ZFR2: variants seen among roughly 807,000 people sequenced by gnomAD.
ZFR2 encodes zinc finger RNA-binding protein 2.
Under a neutral mutation model 105.7 loss-of-function variants are expected in ZFR2, and 104 were observed. That is an observed-to-expected ratio of 0.98 (90% CI 0.84 to 1.16). The LOEUF (loss-of-function observed/expected upper bound fraction) is 1.16. Among genes scored for constraint, ZFR2 ranks in the 50% most tolerant of loss-of-function variants. The pLI is 0.00. For missense variants in ZFR2, 1,425 were observed against 1,355.5 expected (o/e 1.05, Z -0.80); for synonymous variants, 634 against 597.7 (o/e 1.06, Z -0.89).
intron 5 of ZFR2, among the ~76,000 whole-genome samples, chr19:3,830,253 G>A (rs1272985321): frequency 2.0e-5 from 3 of 151,984 alleles, no homozygotes; most frequent in Non-Finnish European, 4.4e-5. Context: ...GGACCTGGGC[G>A]ACATAGTGAG....
At position 3,815,985 on chromosome 19, in the gene ZFR2, G is replaced by C. The variant is rs1277007900; in HGVS notation, c.2103+689C>G. ...TTAGCCAGGATGGTCTCGATCTGCTGACCTCGTGATCTGCCCATCTCAGCC... is the reference window on the plus strand; with the variant it reads ...TTAGCCAGGATGGTCTCGATCTGCTCACCTCGTGATCTGCCCATCTCAGCC... On this transcript the variant is annotated intron_variant, in intron 13 of 18. Coordinates refer to ENST00000262961, the MANE Select transcript of ZFR2 (RefSeq NM_015174.2). Among the ~76,000 whole-genome samples, 5 of 151,966 alleles carry C rather than the reference G, an allele frequency of 3.3e-5. No individual in the cohort carries two copies. In the East Asian group the frequency reaches 9.7e-4, roughly 29 times the overall value.
Position 3,863,363 on chromosome 19 carries a change from G to A in ZFR2, c.53+5602C>T, listed in dbSNP as rs376047085. The stretch of plus-strand genomic sequence containing the variant: ...TTTGAGAGATACGGGTTGGGTCACC[G>A]TTACTTTCCCAGTGACACGGGGCCA... On this transcript the variant is annotated intron_variant, in intron 1 of 18. Coordinates refer to ENST00000262961, the MANE Select transcript of ZFR2 (RefSeq NM_015174.2). Among the ~76,000 whole-genome samples, 19 of 152,286 alleles carry A rather than the reference G, an allele frequency of 1.2e-4. 2 individuals are homozygous for A. The highest frequency in any genetic ancestry group is 3.9e-4 in the East Asian group (2 of 5,186).
At chr19:3,850,007 G>T (rs1375360550) in intron 1 of ZFR2, among the ~76,000 whole-genome samples, 6 of 152,098 alleles carry the variant, frequency 3.9e-5, no homozygotes, top group Admixed American at 2.6e-4. Context: ...CAGGGTCAGG[G>T]TGACATCAGG....
rs576133208 is a variant in ZFR2 at position 3,838,341 on chromosome 19, G to A, written c.54-3358C>T. Among the ~76,000 whole-genome samples, 9 of 152,268 alleles carry A rather than the reference G, an allele frequency of 5.9e-5. No homozygotes were observed. The South Asian group carries it at 6.2e-4, about 11-fold the overall frequency. The stretch of plus-strand genomic sequence containing the variant: ...TACTCCTGTTCCCACACTCCCTCCC[G>A]TAGGTGGCTATGAAGAAAACAGAAC... On this transcript the variant is annotated intron_variant, in intron 1 of 18. Transcript: ENST00000262961. The surrounding 1 kb of genome is among the most constrained non-coding windows in gnomAD (Gnocchi z 4.9).
At chr19:3,842,088 C>G (rs62132985) in intron 1 of ZFR2, among the ~76,000 whole-genome samples, 24,360 of 151,596 alleles carry the variant, frequency 0.16, 2,194 homozygotes, top group Admixed American at 0.26. Context: ...TCATACCTCA[C>G]TGCAGCCTCC....
intron 1 of ZFR2, among the ~76,000 whole-genome samples, chr19:3,845,558 G>A (rs2038177428): frequency 6.6e-6 from 1 of 151,528 alleles, no homozygotes; most frequent in Admixed American, 6.6e-5. Context: ...TTGGGAGGCT[G>A]AGGCAGGAGG....
intron 1 of ZFR2, among the ~76,000 whole-genome samples, chr19:3,865,171 TATAAA>T (rs1003011680): frequency 2.0e-5 from 3 of 152,180 alleles, no homozygotes; most frequent in African/African-American, 7.2e-5. Flanking sequence ...CATAAGACCA[TATAAA>T]ATAAAATAAA....
chr19:3,837,997 G>A (rs72972977), intron 1 of ZFR2, among the ~76,000 whole-genome samples: 2,344 of 150,182 alleles, frequency 0.016, 31 homozygotes, highest in Non-Finnish European at 0.023. Flanking sequence ...AACACACGAT[G>A]AATGTGACTG....
At chr19:3,850,919 AAAAAG>A (rs891359628) in intron 1 of ZFR2, among the ~76,000 whole-genome samples, 4 of 140,438 alleles carry the variant, frequency 2.8e-5, no homozygotes, top group South Asian at 2.2e-4. Context: ...AAAAAAAAAA[AAAAAG>A]AGACACCAGC....
Position 3,831,739 on chromosome 19 carries a change from G to T in ZFR2, c.519C>A (p.Gly173=). The T allele has an allele frequency of 3.7e-6, 6 of 1,605,442 alleles. No homozygotes were observed. Among genetic ancestry groups the T allele is most frequent in the Non-Finnish European group, 4.3e-6 (5 of 1,176,236 alleles). The change falls in exon 4 of 19, where the codon GGC becomes GGA. Residue 173 remains glycine (G), a synonymous_variant. Transcript: ENST00000262961. Reference sequence around the variant, plus strand: ...TGGAAGCTGACGACTCGGGCTGGACGCCTGTCGCCGTGGGGTAGGTGTATC... The same window carrying T: ...TGGAAGCTGACGACTCGGGCTGGACTCCTGTCGCCGTGGGGTAGGTGTATC... The part of the protein sequence containing the change: ...SSGYTYPTAT[G]VQPESSASIV...
intron 18 of ZFR2, among the ~76,000 whole-genome samples, chr19:3,806,419 C>T (rs773224949): frequency 3.9e-5 from 6 of 152,330 alleles, no homozygotes; most frequent in East Asian, 1.9e-4. Flanking sequence ...TGTGCCACCA[C>T]GCCCAGCTAA....
At chr19:3,825,924 G>A (rs1387899418) in intron 6 of ZFR2, among the ~76,000 whole-genome samples, 3 of 152,226 alleles carry the variant, frequency 2.0e-5, no homozygotes, top group Middle Eastern at 3.4e-3. Flanking sequence ...CAAAGGTTCC[G>A]TGTGCACAGG....
In ZFR2 at chr19:3,825,292, A is replaced by C. The variant is rs1225132542; in HGVS notation, c.1151T>G (p.Val384Gly). Residue 384 changes from valine to glycine, a missense_variant, in exon 7 of 19, where the codon GTG becomes GGG. Coordinates refer to ENST00000262961, the MANE Select transcript of ZFR2 (RefSeq NM_015174.2). Reference sequence around the variant, plus strand: ...CAGCGCTGGCCTGCTCGAGGCACACACGCTGGGGCCAGTGGGGGACGTGGG... The same window carrying C: ...CAGCGCTGGCCTGCTCGAGGCACACCCGCTGGGGCCAGTGGGGGACGTGGG... ...AKPTSPTGPS[V>G]CASSRPALAK... 6.3e-7 allele frequency: 1 copy of C among 1,577,324 alleles called. No homozygotes were observed. The highest frequency in any genetic ancestry group is 8.6e-7 in the Non-Finnish European group (1 of 1,168,226).
chr19:3,810,703 C>T (rs1398322284), intron 16 of ZFR2, 47 bp downstream of exon 16: 2 of 1,518,978 alleles, frequency 1.3e-6, no homozygotes, highest in Admixed American at 4.0e-5. Flanking sequence ...GCCATGGAGG[C>T]CCTTGGGGGT....
chr19:3,835,520 A>G (rs2145165632), intron 1 of ZFR2, among the ~76,000 whole-genome samples: 1 of 148,170 alleles, frequency 6.7e-6, no homozygotes, highest in Non-Finnish European at 1.5e-5. Context: ...TTTTTAGTAG[A>G]GACAGGATTT....
chr19:3,868,993 A>G lies in ZFR2; in HGVS notation c.25T>C (p.Phe9Leu). 1 of 1,378,970 alleles carries G rather than the reference A, an allele frequency of 7.3e-7. No individual in the cohort carries two copies. The allele number at this position is 1,378,970 out of a possible 1,614,324, so 85.4% of individuals were successfully genotyped here. A position where few individuals can be genotyped will look rare whatever the true frequency, so the allele number is the denominator to read the frequency against. Residue 9 changes from phenylalanine to leucine, a missense_variant, in exon 1 of 19, where the codon TTC becomes CTC. Coordinates refer to ENST00000262961, the MANE Select transcript of ZFR2 (RefSeq NM_015174.2). ...TACTGCGGGCCGCCGCCCTGCGCGA[A>G]GTCGAAATACTGACTCGTCGCCATC... is the stretch of plus-strand genomic sequence containing the variant. Reference protein sequence around the residue: MATSQYFDFAQGGGPQYSA... With the variant: MATSQYFDLAQGGGPQYSA...
At chr19:3,864,553 A>G (rs1006874426) in intron 1 of ZFR2, among the ~76,000 whole-genome samples, 5 of 152,356 alleles carry the variant, frequency 3.3e-5, no homozygotes, top group African/African-American at 1.2e-4. Flanking sequence ...AGAGAAAGGT[A>G]ACGGCAGAGG....
chr19:3,846,383 G>T (rs566505647), intron 1 of ZFR2, among the ~76,000 whole-genome samples: 1 of 152,224 alleles, frequency 6.6e-6, no homozygotes, highest in Non-Finnish European at 1.5e-5. Flanking sequence ...ATGTTTTGCC[G>T]ACTCGAAAAG....
At chr19:3,856,620 A>G (rs2038304914) in intron 1 of ZFR2, among the ~76,000 whole-genome samples, 1 of 152,200 alleles carries the variant, frequency 6.6e-6, no homozygotes, top group South Asian at 2.1e-4. Flanking sequence ...ATTCACCTGT[A>G]AAATGGGAAC....
Sources: allele counts gnomAD v4.1 joint callset (sites outside exome capture counted in the v4.1 genomes callset), GRCh38; gene constraint gnomAD v4.1.1; non-coding constraint Gnocchi (gnomAD v3.1); transcripts MANE v1.5; gene names NCBI Gene and HGNC (gene_info 2026-07-23, HGNC 2026-07-21).